Variants in SPPL3 observed in about 807,000 individuals in gnomAD.
SPPL3 encodes signal peptide peptidase like 3, also known as signal peptide peptidase-like 3.
In SPPL3, 5 loss-of-function variants were observed where a neutral mutation model predicts 42.4. The observed-to-expected ratio is 0.12, with a 90% CI of 0.06 to 0.25. The LOEUF is 0.25. Ranked by LOEUF, SPPL3 falls within the 10% of genes least tolerant of loss-of-function variation. The pLI, the probability that SPPL3 is intolerant of heterozygous loss-of-function variation, is 1.00. For synonymous variants in SPPL3, 195 were observed against 181.8 expected, an observed-to-expected ratio of 1.07 and a Z score of -0.58; for missense variants, 235 against 489.0, an observed-to-expected ratio of 0.48 and a Z score of 4.90.
chr12:120,885,636 G>A (rs1345168867), intron 1 of SPPL3, among the ~76,000 whole-genome samples: 1 of 151,972 alleles, frequency 6.6e-6, no homozygotes, highest in African/African-American at 2.4e-5. Flanking sequence ...TCTGTCACTG[G>A]AGCACTGATC....
chr12:120,890,008 G>C (rs529702738), intron 1 of SPPL3, among the ~76,000 whole-genome samples: 1 of 152,092 alleles, frequency 6.6e-6, no homozygotes, highest in African/African-American at 2.4e-5. Flanking sequence ...CACTTTGGGA[G>C]GCCAACGTGG....
intron 3 of SPPL3, among the ~76,000 whole-genome samples, chr12:120,790,559 TGAC>T (rs768357723): frequency 6.6e-6 from 1 of 152,190 alleles, no homozygotes; most frequent in Admixed American, 6.5e-5. Flanking sequence ...TAACCTGAAA[TGAC>T]GACTTCTCCA....
At chr12:120,808,830 G>T (rs541482409) in intron 2 of SPPL3, among the ~76,000 whole-genome samples, 1 of 152,222 alleles carries the variant, frequency 6.6e-6, no homozygotes, top group Non-Finnish European at 1.5e-5. Context: ...ACTGAAAGTA[G>T]TATTAGGGTT....
intron 1 of SPPL3, among the ~76,000 whole-genome samples, chr12:120,823,248 G>A (rs930449988): frequency 6.6e-6 from 1 of 151,462 alleles, no homozygotes; most frequent in Non-Finnish European, 1.5e-5. Flanking sequence ...GTGGCGGGGA[G>A]GACAGAGAAC....
intron 1 of SPPL3, among the ~76,000 whole-genome samples, chr12:120,828,175 C>G (rs1457447337): frequency 2.0e-5 from 3 of 152,152 alleles, no homozygotes; most frequent in Admixed American, 2.0e-4. Flanking sequence ...AAAGGAAAAT[C>G]TGTGAAAATC....
intron 1 of SPPL3, among the ~76,000 whole-genome samples, chr12:120,821,432 G>C (rs1181413429): frequency 3.3e-5 from 5 of 152,176 alleles, no homozygotes. Context: ...CATAAGGCAA[G>C]GGAAAGAAAT....
intron 6 of SPPL3, among the ~76,000 whole-genome samples, chr12:120,778,893 A>G (rs1245331184): frequency 6.6e-6 from 1 of 152,174 alleles, no homozygotes. Context: ...CAGAAAAAAA[A>G]TACAATCATT....
chr12:120,811,860 C>T (rs1870692479), intron 1 of SPPL3, among the ~76,000 whole-genome samples: 1 of 151,912 alleles, frequency 6.6e-6, no homozygotes, highest in Non-Finnish European at 1.5e-5. Flanking sequence ...AAAAAATGAA[C>T]ATAACTGAAT....
chr12:120,779,606 T>C (rs1211307074), intron 6 of SPPL3, among the ~76,000 whole-genome samples: 2 of 152,096 alleles, frequency 1.3e-5, no homozygotes, highest in Non-Finnish European at 2.9e-5. Context: ...AATTTTACTT[T>C]GTGGGGCAGA....
At chr12:120,770,589 C>T (rs372030673) in intron 6 of SPPL3, among the ~76,000 whole-genome samples, 4 of 152,282 alleles carry the variant, frequency 2.6e-5, no homozygotes, top group Middle Eastern at 3.4e-3. Context: ...GGCAGCAACC[C>T]GCCCAGCTAA....
intron 1 of SPPL3, among the ~76,000 whole-genome samples, chr12:120,858,153 A>AT (rs1566062505): frequency 6.6e-6 from 1 of 152,186 alleles, no homozygotes; most frequent in Non-Finnish European, 1.5e-5. Flanking sequence ...CTGTAACACA[A>AT]TATTATTTTG....
chr12:120,810,781 G>T (rs674021), intron 2 of SPPL3, 28 bp downstream of exon 2: 3 of 1,558,664 alleles, frequency 1.9e-6, no homozygotes, highest in Non-Finnish European at 2.6e-6. Context: ...CCTCCAACTT[G>T]TATCAACCCC....
intron 1 of SPPL3, among the ~76,000 whole-genome samples, chr12:120,867,641 G>A (rs1477882307): frequency 2.0e-5 from 2 of 100,784 alleles, no homozygotes; most frequent in Non-Finnish European, 4.2e-5. Context: ...GCTACAGAGC[G>A]AGACTCTGTC....
At chr12:120,897,986 A>G (rs1873860305) in intron 1 of SPPL3, among the ~76,000 whole-genome samples, 1 of 152,124 alleles carries the variant, frequency 6.6e-6, no homozygotes, top group South Asian at 2.1e-4. Flanking sequence ...TCACCTCAAT[A>G]TAATACAGCC....
At chr12:120,876,992 T>C (rs1873122172) in intron 1 of SPPL3, among the ~76,000 whole-genome samples, 1 of 151,096 alleles carries the variant, frequency 6.6e-6, no homozygotes, top group African/African-American at 2.4e-5. Context: ...AAGGGAGAAG[T>C]ACAAATTACT....
intron 1 of SPPL3, chr12:120,845,200 T>C: frequency 2.2e-6 from 1 of 454,132 alleles, no homozygotes; most frequent in Admixed American, 2.5e-5. Flanking sequence ...AATGTACCAG[T>C]TCATGTGGCA....
intron 1 of SPPL3, among the ~76,000 whole-genome samples, chr12:120,899,165 T>C (rs907615539): frequency 6.6e-6 from 1 of 152,218 alleles, no homozygotes; most frequent in East Asian, 1.9e-4. Context: ...GAGAATCTTG[T>C]AGTTAAATTG....
chr12:120,900,093 C>A (rs2137073637), intron 1 of SPPL3, among the ~76,000 whole-genome samples: 1 of 152,118 alleles, frequency 6.6e-6, no homozygotes, highest in South Asian at 2.1e-4. Flanking sequence ...TAAAAGTCAA[C>A]AGAATAATAA....
At chr12:120,901,568 G>GT (rs1377268779) in intron 1 of SPPL3, among the ~76,000 whole-genome samples, 1 of 142,340 alleles carries the variant, frequency 7.0e-6, no homozygotes, top group Non-Finnish European at 1.5e-5. Flanking sequence ...TGCAGCCTGG[G>GT]TGACAGAGCG....
Sources: gnomAD v4.1 joint callset for allele counts (sites outside exome capture counted in the v4.1 genomes callset) on GRCh38, gnomAD v4.1.1 for gene constraint, MANE v1.5 for transcripts, NCBI Gene and HGNC (gene_info 2026-07-23, HGNC 2026-07-21) for gene names.